The following PIGN variants were observed in gnomAD, a reference collection of about 807,000 sequenced individuals.
PIGN encodes the protein phosphatidylinositol glycan anchor biosynthesis class N.
Under a neutral mutation model 125.4 loss-of-function variants are expected in PIGN, and 117 were observed. The observed-to-expected ratio is 0.93, with a 90% CI of 0.80 to 1.09. The LOEUF (loss-of-function observed/expected upper bound fraction) is 1.09. Among genes scored for constraint, PIGN ranks in the 50% least tolerant of loss-of-function variants. The pLI is 0.00. For synonymous variants in PIGN, 392 were observed against 377.8 expected, an observed-to-expected ratio of 1.04 and a Z score of -0.44; for missense variants, 1,075 against 1,094.9, an observed-to-expected ratio of 0.98 and a Z score of 0.26.
intron 1 of PIGN, among the ~76,000 whole-genome samples, chr18:62,173,223 C>T (rs2037400033): frequency 6.6e-6 from 1 of 152,114 alleles, no homozygotes; most frequent in African/African-American, 2.4e-5. Context: ...TTACGGTCTA[C>T]AAAATTTTAA....
intron 17 of PIGN, 75 bp from the exon 18 acceptor site, chr18:62,107,160 A>G: frequency 1.1e-6 from 1 of 897,532 alleles, no homozygotes; most frequent in East Asian, 2.6e-5. Context: ...CTTTGCACAA[A>G]GCTAAAACAC....
intron 22 of PIGN, 76 bp downstream of exon 22, chr18:62,100,999 T>G (rs2034413228): frequency 1.3e-6 from 1 of 781,150 alleles, no homozygotes; most frequent in Admixed American, 2.0e-5. Flanking sequence ...ATAACAATGA[T>G]ACAGACATAA....
intron 29 of PIGN, among the ~76,000 whole-genome samples, 157 bp downstream of exon 29, chr18:62,074,622 C>T (rs2033072653): frequency 6.6e-6 from 1 of 152,136 alleles, no homozygotes; most frequent in African/African-American, 2.4e-5. Flanking sequence ...TCCTGCATAA[C>T]TAATATAAAA....
rs958638006 is a variant in PIGN, at chr18:62,088,808, A to G, written c.2318T>C (p.Ile773Thr). 9.6e-6 allele frequency: 15 copies of G among 1,560,564 alleles called. No homozygotes were observed. The highest frequency in any genetic ancestry group is 1.4e-5 in the African/African-American group (1 of 73,658). Reference protein sequence around the residue: ...TSIQFSYNTDITQFRQLYLDD... With the variant: ...TSIQFSYNTDTTQFRQLYLDD... ...CAGATATAGCTGTCGAAACTGAGTT[A>G]TATCAGTATTATAAGAGAACTGGAT... Residue 773 changes from isoleucine (I) to threonine (T), a missense_variant, in exon 25 of 31, where the codon ATA becomes ACA. Transcript: ENST00000640252.
intron 14 of PIGN, among the ~76,000 whole-genome samples, chr18:62,132,161 TAAG>T (rs1483403513): frequency 6.6e-6 from 1 of 152,174 alleles, no homozygotes; most frequent in Non-Finnish European, 1.5e-5. Context: ...ATATAGTTTC[TAAG>T]AAGACATGCT....
intron 23 of PIGN, among the ~76,000 whole-genome samples, chr18:62,019,679 T>G (rs2030027640): frequency 6.9e-6 from 1 of 145,662 alleles, no homozygotes; most frequent in Non-Finnish European, 1.5e-5. Flanking sequence ...CAGGGAAGCC[T>G]TCCAATGAAA....
At chr18:62,098,418 G>A (rs1273617751) in intron 22 of PIGN, among the ~76,000 whole-genome samples, 1 of 152,068 alleles carries the variant, frequency 6.6e-6, no homozygotes, top group African/African-American at 2.4e-5. Context: ...GACATACGGT[G>A]GTTGTTAAGA....
chr18:62,124,901 A>T (rs79602539), intron 14 of PIGN, among the ~76,000 whole-genome samples: 1 of 152,084 alleles, frequency 6.6e-6, no homozygotes, highest in Non-Finnish European at 1.5e-5. Context: ...TCTCTTTTAA[A>T]AATATTTTTC....
intron 1 of PIGN, among the ~76,000 whole-genome samples, chr18:62,171,882 C>T (rs1280848122): frequency 6.6e-6 from 1 of 151,998 alleles, no homozygotes; most frequent in Non-Finnish European, 1.5e-5. Context: ...AAAATTTTAC[C>T]ATTTTTTGCA....
chr18:62,108,405 C>T (rs1335876094), intron 17 of PIGN, among the ~76,000 whole-genome samples: 1 of 151,870 alleles, frequency 6.6e-6, no homozygotes, highest in Non-Finnish European at 1.5e-5. Flanking sequence ...AAGACAAAAC[C>T]TTTTGTTCTA....
intron 23 of PIGN, among the ~76,000 whole-genome samples, chr18:62,023,557 C>G (rs1414314832): frequency 6.6e-6 from 1 of 152,208 alleles, no homozygotes; most frequent in Non-Finnish European, 1.5e-5. Context: ...TCTGAAGCCT[C>G]TCAATGGTGG....
downstream of PIGN, among the ~76,000 whole-genome samples, chr18:62,040,644 T>C (rs1421406897): frequency 2.0e-5 from 3 of 152,176 alleles, no homozygotes; most frequent in Non-Finnish European, 4.4e-5. Context: ...GCATGAGAGA[T>C]AGGACATGAT....
At chr18:62,149,643 T>C (rs2036460689) in intron 7 of PIGN, among the ~76,000 whole-genome samples, 1 of 152,202 alleles carries the variant, frequency 6.6e-6, no homozygotes, top group Non-Finnish European at 1.5e-5. Context: ...TTGAAATAAA[T>C]ATAATTCAGT....
intron 14 of PIGN, among the ~76,000 whole-genome samples, chr18:62,130,834 GA>G (rs1272360056): frequency 6.6e-6 from 1 of 151,854 alleles, no homozygotes; most frequent in Non-Finnish European, 1.5e-5. Context: ...TATTTAAAGG[GA>G]AAAATATTTT....
Position 62,157,044 on chromosome 18 carries a change from T to C in PIGN, c.442+85A>G, listed in dbSNP as rs2036762181. The C allele has an allele frequency of 7.4e-6, 4 of 538,590 alleles. No individual in the cohort carries two copies. In the South Asian group the frequency reaches 1.3e-4, roughly 17 times the overall value. 33.4% of individuals were successfully genotyped at this position (538,590 alleles called of 1,614,324 possible). On this transcript the variant is annotated intron_variant, in intron 6 of 30. Coordinates refer to ENST00000640252, the MANE Select transcript of PIGN (RefSeq NM_176787.5). ...AAAAATATGTGTAAAAATCAACACA[T>C]ACATTACATACATAAAAATAGAAAA... is the stretch of plus-strand genomic sequence containing the variant.
intron 14 of PIGN, 22 bp downstream of exon 14, chr18:62,138,221 T>TA (rs1424939683): frequency 6.5e-7 from 1 of 1,538,822 alleles, no homozygotes; most frequent in Admixed American, 2.1e-5. Flanking sequence ...TTCAAGTTAA[T>TA]AAAAAAATGT....
intron 6 of PIGN, among the ~76,000 whole-genome samples, chr18:62,156,595 T>C (rs975112467): frequency 3.9e-5 from 6 of 152,184 alleles, no homozygotes; most frequent in Non-Finnish European, 7.4e-5. Flanking sequence ...CCTCCCAAAA[T>C]GCTGAGATTA....
chr18:62,055,993 C>G lies in PIGN; in HGVS notation c.2673-10014G>C, dbSNP rs190707423. ...AAAATCTTCTTTTGTTTTATGTTACCCCGGCAAATTTAATCTGAACTTATT... is the reference window on the plus strand; with the variant it reads ...AAAATCTTCTTTTGTTTTATGTTACGCCGGCAAATTTAATCTGAACTTATT... On this transcript the variant is annotated intron_variant, in intron 30 of 30. Transcript: ENST00000640252. Among the ~76,000 whole-genome samples the G allele has an allele frequency of 1.5e-3, 224 of 147,022 alleles. 1 individual carries two copies. The highest frequency in any genetic ancestry group is 5.2e-3 in the African/African-American group (209 of 40,094).
chr18:62,087,341 G>A (rs951472809), intron 25 of PIGN, among the ~76,000 whole-genome samples: 11 of 152,188 alleles, frequency 7.2e-5, no homozygotes, highest in Admixed American at 6.5e-4. Flanking sequence ...CAGGTAAACT[G>A]AATAGATTTG....
Sources: allele counts gnomAD v4.1 joint callset (sites outside exome capture counted in the v4.1 genomes callset), GRCh38; gene constraint gnomAD v4.1.1; transcripts MANE v1.5; gene names NCBI Gene and HGNC (gene_info 2026-07-23, HGNC 2026-07-21).